The following APLP1 variants were observed in gnomAD, a reference collection of about 807,000 sequenced individuals.
APLP1 encodes amyloid beta precursor like protein 1.
APLP1 carries 46 observed loss-of-function variants against 84.5 expected under a neutral mutation model. That is an observed-to-expected ratio of 0.54 (90% confidence interval 0.43 to 0.70). APLP1 has a LOEUF of 0.70. APLP1 is among the 30% of genes least tolerant of loss of function. The probability of loss-of-function intolerance (pLI) is 0.00; values close to 1 mark genes in which losing one functional copy is unlikely to be tolerated. For missense variants in APLP1, 826 were observed against 900.2 expected, an observed-to-expected ratio of 0.92 and a Z score of 1.05; for synonymous variants, 376 against 364.0, an observed-to-expected ratio of 1.03 and a Z score of -0.38.
chr19:35,875,975 A>G (rs1031952519), intron 10 of APLP1, among the ~76,000 whole-genome samples: 1 of 151,554 alleles, frequency 6.6e-6, no homozygotes, highest in African/African-American at 2.4e-5. Context: ...GGGTTTTGCC[A>G]TGTTGCCCAG....
chr19:35,870,786 AAGAAAGAAAGAAAGAGGG>A, intron 2 of APLP1, 92 bp from the exon 3 acceptor site: 1 of 1,237,592 alleles, frequency 8.1e-7, no homozygotes, highest in Non-Finnish European at 1.1e-6. Context: ...CTCCGTCTCA[AAGAAAGAAAGAAAGAGGG>A]AGAAAGAAAG....
Position 35,870,939 on chromosome 19 carries a change from A to G in APLP1, c.335A>G (p.Gln112Arg). The G allele has an allele frequency of 6.2e-7, 1 of 1,600,190 alleles. No individual in the cohort carries two copies. The highest frequency in any genetic ancestry group is 8.5e-7 in the Non-Finnish European group (1 of 1,174,682). The change falls in exon 3 of 17, where the codon CAG becomes CGG. Residue 112 changes from glutamine to arginine, a missense_variant. Physicochemically the swap from Gln to Arg is conservative, Grantham distance 43. Around this residue, in one of 3 missense-constraint regions of APLP1, gnomAD observed 383 missense variants for 378.3 expected, o/e 1.01. Transcript: ENST00000221891. ...ATTGCACGTGTGGAGCAGGCTACGC[A>G]GGCCATCCCCATGGAGCGCTGGTGC... ...LQIARVEQATQAIPMERWCGG... is the reference protein window; with the variant it reads ...LQIARVEQATRAIPMERWCGG...
rs766700995 is a variant in APLP1, at chr19:35,871,917, A to G, written c.731A>G (p.Glu244Gly). ...AGAGTAGAGGGGGCTGAGGACGAGG[A>G]AGAGGAGGAATCCTTCCCACAGCCA... ...GSRVEGAEDE[E>G]EEESFPQPVD... Residue 244 changes from glutamate to glycine, a missense_variant, in exon 6 of 17, where the codon GAA becomes GGA. This residue lies in a region of APLP1 where 383 missense variants were observed against 378.3 expected (regional missense o/e 1.01). Coordinates refer to ENST00000221891, the MANE Select transcript of APLP1 (RefSeq NM_001024807.3). 4 of 1,614,018 alleles carry G rather than the reference A, an allele frequency of 2.5e-6. No individual in the cohort carries two copies. Among genetic ancestry groups the G allele is most frequent in the Non-Finnish European group, 3.4e-6 (4 of 1,179,988 alleles).
chr19:35,871,794 G>A (rs768503965), intron 5 of APLP1, 49 bp downstream of exon 5: 2 of 1,613,460 alleles, frequency 1.2e-6, no homozygotes, highest in East Asian at 2.2e-5. Context: ...CCTGAGGCAG[G>A]GGATGGAAGC....
intron 8 of APLP1, 91 bp downstream of exon 8, chr19:35,873,804 A>T: frequency 8.2e-7 from 1 of 1,214,310 alleles, no homozygotes; most frequent in South Asian, 1.3e-5. Context: ...CTGCCCATCC[A>T]GTTCCACCCC....
intron 7 of APLP1, among the ~76,000 whole-genome samples, chr19:35,872,890 G>A (rs548770966): frequency 1.0e-4 from 15 of 149,520 alleles, no homozygotes; most frequent in Non-Finnish European, 1.6e-4. Context: ...ACGGAGTTTC[G>A]CTCTTAACAC....
rs771302083 is a variant in APLP1 at position 35,878,641 on chromosome 19, A to G, written c.1637A>G (p.Gln546Arg). 1.4e-5 allele frequency: 22 copies of G among 1,614,078 alleles called. No individual in the cohort carries two copies. The Admixed American group carries it at 3.3e-4, about 24-fold the overall frequency. ...AAAGAGAAGATGAACCCGCTGGAACAGTATGAGCGAAAGGTAAGTTAGTCA... is the reference window on the plus strand; with the variant it reads ...AAAGAGAAGATGAACCCGCTGGAACGGTATGAGCGAAAGGTAAGTTAGTCA... ...PEKEKMNPLE[Q>R]YERKVNASVP... Residue 546 changes from glutamine to arginine, a missense_variant, in exon 14 of 17, where the codon CAG becomes CGG. Gln to Arg is a conservative substitution (Grantham distance 43). Coordinates refer to ENST00000221891, the MANE Select transcript of APLP1 (RefSeq NM_001024807.3).
At position 35,879,492 on chromosome 19, in the gene APLP1, A is replaced by G; in HGVS notation, c.*51A>G. On this transcript the variant is annotated 3_prime_UTR_variant, in exon 17 of 17. Coordinates refer to ENST00000221891, the MANE Select transcript of APLP1 (RefSeq NM_001024807.3). ...GAGCCCAGACCTCCCCTCTTCCTGG[A>G]GCCCCAGAACCCCAACTCCCAGCCT... is the stretch of plus-strand genomic sequence containing the variant. 1 of 1,553,334 alleles carries G rather than the reference A, an allele frequency of 6.4e-7. No homozygotes were observed. The highest frequency in any genetic ancestry group is 1.4e-5 in the African/African-American group (1 of 73,794).
chr19:35,873,856 C>A, intron 8 of APLP1, 143 bp downstream of exon 8: 1 of 738,370 alleles, frequency 1.4e-6, no homozygotes, highest in Non-Finnish European at 2.3e-6. Flanking sequence ...TGCCTACATG[C>A]AGCTCTGCCC....
rs745360837 is a variant in APLP1 at position 35,869,853 on chromosome 19, G to C, written c.291+43G>C. ...GGAGAGGCGGGGCCGCCCATAGAAA[G>C]CTAGACTTGAAAAAGGCGTGGTCCA... On this transcript the variant is annotated intron_variant, in intron 2 of 16. Transcript: ENST00000221891. 1.9e-6 allele frequency: 3 copies of C among 1,548,882 alleles called. 1 individual carries two copies. The South Asian group carries it at 3.5e-5, about 18-fold the overall frequency.
At chr19:35,870,175 T>C (rs764037724) in intron 2 of APLP1, 46 of 293,220 alleles carry the variant, frequency 1.6e-4, no homozygotes, top group Non-Finnish European at 2.3e-4. Flanking sequence ...GGCGTGGCCA[T>C]GAAAAGACAA....
chr19:35,868,700 C>CTGCTGCTGCCACTAT lies in APLP1; in HGVS notation c.74_88dup (p.Pro25_Leu29dup), dbSNP rs1974050222. ...CCGCCCGGGCCAGCCGCCGCTGCCG[C>CTGCTGCTGCCACTAT]TGCTGCTGCCACTATTGCTGCTGCT... On this transcript the variant is annotated inframe_insertion, in exon 1 of 17. Transcript: ENST00000221891. The surrounding 1 kb of genome is among the most constrained non-coding windows in gnomAD (Gnocchi z 5.2). 3 of 1,417,238 alleles carry CTGCTGCTGCCACTAT rather than the reference C, an allele frequency of 2.1e-6. No homozygotes were observed. The highest frequency in any genetic ancestry group is 5.9e-5 in the Admixed American group (2 of 33,774). 87.8% of individuals were successfully genotyped at this position (1,417,238 alleles called of 1,614,324 possible).
chr19:35,871,823 G>T (rs760324532), intron 5 of APLP1, 35 bp from the exon 6 acceptor site: 1 of 1,612,988 alleles, frequency 6.2e-7, no homozygotes, highest in African/African-American at 1.3e-5. Context: ...CCAGGCCTGG[G>T]TTCTTACTGC....
In APLP1 at chr19:35,879,124, C is replaced by G; in HGVS notation, c.1764C>G (p.Ile588Met). The change falls in exon 16 of 17, where the codon ATC becomes ATG. Residue 588 changes from isoleucine to methionine, a missense_variant. Physicochemically the swap from Ile to Met is conservative, Grantham distance 10. This residue lies in a region of APLP1 where 433 missense variants were observed against 496.5 expected (regional missense o/e 0.87). Coordinates refer to ENST00000221891, the MANE Select transcript of APLP1 (RefSeq NM_001024807.3). ...VSREAVSGLLIMGAGGGSLIV... is the reference protein window; with the variant it reads ...VSREAVSGLLMMGAGGGSLIV... ...GTGAGGCTGTGTCGGGTCTGCTGAT[C>G]ATGGGAGCGGGCGGAGGCTCCCTCA... 6.2e-7 allele frequency: 1 copy of G among 1,612,348 alleles called. No homozygotes were observed. The highest frequency in any genetic ancestry group is 1.1e-5 in the South Asian group (1 of 91,088).
At position 35,869,768 on chromosome 19, in the gene APLP1, C is replaced by T. The variant is rs747022001; in HGVS notation, c.249C>T (p.Arg83=). ...RWEPDPQRSR[R]CLRDPQRVLE... The stretch of plus-strand genomic sequence containing the variant: ...AACCAGACCCACAGCGCTCTCGACG[C>T]TGTCTCCGGGACCCGCAGCGCGTGC... The change falls in exon 2 of 17, where the codon CGC becomes CGT. Residue 83 remains arginine (R), a synonymous_variant. Coordinates refer to ENST00000221891, the MANE Select transcript of APLP1 (RefSeq NM_001024807.3). 1.2e-6 allele frequency: 2 copies of T among 1,606,998 alleles called. No homozygotes were observed. Among genetic ancestry groups the T allele is most frequent in the Non-Finnish European group, 1.7e-6 (2 of 1,177,810 alleles).
chr19:35,875,013 T>A, intron 10 of APLP1, 144 bp downstream of exon 10: 1 of 1,205,654 alleles, frequency 8.3e-7, no homozygotes, highest in Non-Finnish European at 1.1e-6. Context: ...CCCTTCCCAG[T>A]CTCTCAGCTC....
chr19:35,871,761 C>T lies in APLP1; in HGVS notation c.671+16C>T. 6.2e-7 allele frequency: 1 copy of T among 1,613,894 alleles called. No homozygotes were observed. Among genetic ancestry groups the T allele is most frequent in the Non-Finnish European group, 8.5e-7 (1 of 1,179,900 alleles). On this transcript the variant is annotated intron_variant, in intron 5 of 16. Coordinates refer to ENST00000221891, the MANE Select transcript of APLP1 (RefSeq NM_001024807.3). ...CAGCAGTTGGGTGAGTGGGAGGGAACCCTCCATGCCCATCTCAAGGTTCCT... is the reference window on the plus strand; with the variant it reads ...CAGCAGTTGGGTGAGTGGGAGGGAATCCTCCATGCCCATCTCAAGGTTCCT...
rs2227909 is a variant in APLP1 at position 35,879,109 on chromosome 19, G to A, written c.1749G>A (p.Val583=). The A allele has an allele frequency of 0.049, 79,285 of 1,612,070 alleles. 4,391 individuals are homozygous for A. The highest frequency in any genetic ancestry group is 0.29 in the African/African-American group (21,447 of 74,968). ...PAGTGVSREA[V]SGLLIMGAGG... ...GGACAGGGGTGTCCCGTGAGGCTGT[G>A]TCGGGTCTGCTGATCATGGGAGCGG... Residue 583 remains valine, a synonymous_variant, in exon 16 of 17, where the codon GTG becomes GTA. Transcript: ENST00000221891.
At position 35,869,703 on chromosome 19, in the gene APLP1, C is replaced by T; in HGVS notation, c.184C>T (p.Arg62Cys). 1.2e-6 allele frequency: 2 copies of T among 1,611,944 alleles called. No individual in the cohort carries two copies. Among genetic ancestry groups the T allele is most frequent in the Non-Finnish European group, 1.7e-6 (2 of 1,179,476 alleles). Reference protein sequence around the residue: ...GSAQVAGLCGRLTLHRDLRTG... With the variant: ...GSAQVAGLCGCLTLHRDLRTG... ...GGCCCAGGTGGCTGGACTATGCGGG[C>T]GCCTAACCCTTCACCGGGACCTGCG... The change falls in exon 2 of 17, where the codon CGC becomes TGC. Residue 62 changes from arginine to cysteine, a missense_variant. Physicochemically the swap from Arg to Cys is radical, Grantham distance 180. Coordinates refer to ENST00000221891, the MANE Select transcript of APLP1 (RefSeq NM_001024807.3).
Sources: allele counts gnomAD v4.1 joint callset (sites outside exome capture counted in the v4.1 genomes callset), GRCh38; gene constraint gnomAD v4.1.1; regional missense constraint gnomAD v4.1.1; non-coding constraint Gnocchi (gnomAD v3.1); transcripts MANE v1.5; gene names NCBI Gene and HGNC (gene_info 2026-07-23, HGNC 2026-07-21).